The following SNTG2 variants were observed in gnomAD, a reference collection of about 807,000 sequenced individuals.
SNTG2 encodes the protein gamma-2-syntrophin.
A neutral mutation model predicts 70.9 loss-of-function variants in SNTG2; 74 were observed. The ratio of observed to expected loss-of-function variants is 1.04; its 90% CI spans 0.86 to 1.27. SNTG2 has a LOEUF of 1.27. Among genes scored for constraint, SNTG2 ranks in the 50% most tolerant of loss-of-function variants. SNTG2 has a pLI of 0.00. For synonymous variants in SNTG2, 278 were observed against 273.8 expected, an observed-to-expected ratio of 1.02 and a Z score of -0.15; for missense variants, 717 against 690.7, an observed-to-expected ratio of 1.04 and a Z score of -0.43.
chr2:1,294,321 G>A (rs1204377197), intron 14 of SNTG2, among the ~76,000 whole-genome samples: 3 of 152,100 alleles, frequency 2.0e-5, no homozygotes, highest in African/African-American at 7.2e-5. Flanking sequence ...CTCAGGTCCT[G>A]GCCATGCCCC....
chr2:1,213,657 G>A lies in SNTG2; in HGVS notation c.719+4427G>A, dbSNP rs563913219. On this transcript the variant is annotated intron_variant, in intron 9 of 16. Coordinates refer to ENST00000308624, the MANE Select transcript of SNTG2 (RefSeq NM_018968.4). The stretch of plus-strand genomic sequence containing the variant: ...GCTCACACATGCCCACAGCCACTCA[G>A]CCTGGGACCATTTGGACACAGCAAT... 8.5e-5 allele frequency among the ~76,000 whole-genome samples: 13 copies of A among 152,298 alleles called. No homozygotes were observed. The South Asian group carries it at 2.3e-3, about 27-fold the overall frequency.
At chr2:1,302,349 T>C (rs1047399203) in intron 14 of SNTG2, among the ~76,000 whole-genome samples, 2 of 152,036 alleles carry the variant, frequency 1.3e-5, no homozygotes, top group African/African-American at 4.8e-5. Context: ...CTATTTGAAA[T>C]ATATATACTA....
At chr2:1,123,600 ACTC>A (rs370031455) in intron 4 of SNTG2, among the ~76,000 whole-genome samples, 308 of 152,236 alleles carry the variant, frequency 2.0e-3, no homozygotes, top group African/African-American at 6.9e-3. Context: ...AAGCCATAAA[ACTC>A]CTAGAAGAGA....
chr2:965,151 CCCAG>C (rs2147949802), intron 1 of SNTG2, among the ~76,000 whole-genome samples: 3 of 149,030 alleles, frequency 2.0e-5, no homozygotes, highest in East Asian at 4.2e-4. Flanking sequence ...CCTCCTGGTC[CCCAG>C]TCCTCCTCCT....
At chr2:1,078,918 C>A (rs1477098552) in intron 1 of SNTG2, among the ~76,000 whole-genome samples, 2 of 152,062 alleles carry the variant, frequency 1.3e-5, no homozygotes, top group Non-Finnish European at 2.9e-5. Context: ...CCGTTGCCAC[C>A]CACTGGGGTT....
Position 980,684 on chromosome 2 carries a change from A to G in SNTG2, c.72+29616A>G, listed in dbSNP as rs558592056. ...TTATAAGGGGATAGGCCTAGTGTTT[A>G]TAGACACATGTACACACACACACAC... On this transcript the variant is annotated intron_variant, in intron 1 of 16. Transcript: ENST00000308624. Among the ~76,000 whole-genome samples the G allele has an allele frequency of 1.6e-3, 225 of 143,604 alleles. 8 individuals carry two copies. Among genetic ancestry groups the G allele is most frequent in the Middle Eastern group, 3.8e-3 (1 of 264 alleles). 94.2% of individuals were successfully genotyped at this position (143,604 alleles called of 152,430 possible). A position where few individuals can be genotyped will look rare whatever the true frequency, so the allele number is the denominator to read the frequency against.
chr2:1,328,247 A>C (rs1441109405), intron 16 of SNTG2, among the ~76,000 whole-genome samples: 2 of 152,194 alleles, frequency 1.3e-5, no homozygotes, highest in Non-Finnish European at 2.9e-5. Context: ...GGGGACACAG[A>C]TCCAAACCAT....
rs1024957942 is a variant in SNTG2, at chr2:1,360,155, A to G, written c.1489-7188A>G. 2.0e-5 allele frequency among the ~76,000 whole-genome samples: 3 copies of G among 152,356 alleles called. No individual in the cohort carries two copies. In the East Asian group the frequency reaches 5.8e-4, roughly 29 times the overall value. ...CACAAATATAGTAGATTAGAGACACACATTTATCCTCTTACAGTTCTCTAA... is the reference window on the plus strand; with the variant it reads ...CACAAATATAGTAGATTAGAGACACGCATTTATCCTCTTACAGTTCTCTAA... On this transcript the variant is annotated intron_variant, in intron 16 of 16. Transcript: ENST00000308624.
chr2:1,169,019 T>G (rs1448394764), intron 7 of SNTG2, among the ~76,000 whole-genome samples: 1 of 152,110 alleles, frequency 6.6e-6, no homozygotes, highest in Non-Finnish European at 1.5e-5. Flanking sequence ...ACAGAAGTTC[T>G]TGGAGCCAGC....
intron 6 of SNTG2, among the ~76,000 whole-genome samples, chr2:1,147,977 T>TC (rs753109269): frequency 1.3e-5 from 2 of 152,232 alleles, no homozygotes; most frequent in Non-Finnish European, 2.9e-5. Context: ...GAAGAATTCA[T>TC]CTGTTTTTGC....
chr2:1,246,447 G>C lies in SNTG2; in HGVS notation c.889-880G>C, dbSNP rs910331229. On this transcript the variant is annotated intron_variant, in intron 11 of 16. Coordinates refer to ENST00000308624, the MANE Select transcript of SNTG2 (RefSeq NM_018968.4). ...CTTACCTGGGCGGCTCCAGCAGAGG[G>C]CACTTCGTGGGTGCATGGGGCTTGC... is the stretch of plus-strand genomic sequence containing the variant. Among the ~76,000 whole-genome samples the C allele has an allele frequency of 1.3e-5, 2 of 152,340 alleles. 1 individual carries two copies. Among genetic ancestry groups the C allele is most frequent in the African/African-American group, 4.8e-5 (2 of 41,588 alleles).
At chr2:978,173 G>C (rs1368888820) in intron 1 of SNTG2, among the ~76,000 whole-genome samples, 2 of 152,186 alleles carry the variant, frequency 1.3e-5, no homozygotes, top group African/African-American at 2.4e-5. Flanking sequence ...ACAGTGAGGG[G>C]CCTGGAGTGC....
At chr2:1,225,477 G>A (rs566634661) in intron 9 of SNTG2, among the ~76,000 whole-genome samples, 34 of 152,300 alleles carry the variant, frequency 2.2e-4, no homozygotes, top group African/African-American at 5.3e-4. Flanking sequence ...AAAGTAAGCC[G>A]CAGAAAAGCA....
chr2:1,181,037 A>G (rs1407951629), intron 8 of SNTG2, among the ~76,000 whole-genome samples: 1 of 152,112 alleles, frequency 6.6e-6, no homozygotes, highest in Non-Finnish European at 1.5e-5. Flanking sequence ...TGGACACAGG[A>G]AGGGGAACAT....
intron 6 of SNTG2, among the ~76,000 whole-genome samples, chr2:1,140,738 G>A (rs947918320): frequency 2.0e-5 from 3 of 152,198 alleles, no homozygotes; most frequent in Non-Finnish European, 2.9e-5. Context: ...TTAAAAAGAC[G>A]TCTCAAATGT....
At chr2:1,360,649 A>AAT (rs1381663296) in intron 16 of SNTG2, among the ~76,000 whole-genome samples, 2 of 69,846 alleles carry the variant, frequency 2.9e-5, no homozygotes, top group Non-Finnish European at 5.9e-5. Flanking sequence ...AACACAAACA[A>AAT]ACAAAAAAAA....
intron 13 of SNTG2, among the ~76,000 whole-genome samples, chr2:1,266,372 C>T (rs1367388868): frequency 6.6e-6 from 1 of 152,186 alleles, no homozygotes; most frequent in African/African-American, 2.4e-5. Context: ...GGGAGCTCCC[C>T]AGGCTGCTCC....
chr2:1,320,628 G>A (rs927807248), intron 16 of SNTG2, among the ~76,000 whole-genome samples: 2 of 151,648 alleles, frequency 1.3e-5, no homozygotes, highest in African/African-American at 4.8e-5. Context: ...AGATTCCAAT[G>A]GCTGGAAATT....
At chr2:1,145,985 C>T (rs1287206982) in intron 6 of SNTG2, among the ~76,000 whole-genome samples, 1 of 152,070 alleles carries the variant, frequency 6.6e-6, no homozygotes, top group Non-Finnish European at 1.5e-5. Context: ...GAAAAGCATT[C>T]CACAAAACCC....
Sources: allele counts gnomAD v4.1 joint callset (sites outside exome capture counted in the v4.1 genomes callset), GRCh38; gene constraint gnomAD v4.1.1; transcripts MANE v1.5; gene names NCBI Gene and HGNC (gene_info 2026-07-23, HGNC 2026-07-21).